Variants in NEGR1 observed in about 807,000 individuals in gnomAD.
NEGR1 encodes the protein neuronal growth regulator 1.
Under a neutral mutation model 40.9 loss-of-function variants are expected in NEGR1, and 10 were observed. The ratio of observed to expected loss-of-function variants is 0.24; its 90% CI spans 0.15 to 0.42. NEGR1 has a LOEUF of 0.42. Ranked by LOEUF, NEGR1 falls within the 10% of genes least tolerant of loss-of-function variation. The pLI is 1.00. For synonymous variants in NEGR1, 185 were observed against 166.8 expected, an observed-to-expected ratio of 1.11 and a Z score of -0.84; for missense variants, 352 against 438.9, an observed-to-expected ratio of 0.80 and a Z score of 1.77.
At chr1:71,821,991 G>A (rs139758048) in intron 2 of NEGR1, among the ~76,000 whole-genome samples, 34 of 152,064 alleles carry the variant, frequency 2.2e-4, no homozygotes, top group African/African-American at 7.7e-4. Context: ...AATAAAGGGG[G>A]AAGTGATTTT....
intron 1 of NEGR1, among the ~76,000 whole-genome samples, chr1:72,062,552 T>A (rs547506325): frequency 2.6e-5 from 4 of 152,078 alleles, no homozygotes; most frequent in Non-Finnish European, 5.9e-5. Context: ...GAGCATGAAA[T>A]AAAGTGGTTA....
intron 1 of NEGR1, among the ~76,000 whole-genome samples, chr1:72,039,548 A>T (rs1180722076): frequency 2.6e-5 from 4 of 151,988 alleles, no homozygotes; most frequent in Non-Finnish European, 4.4e-5. Context: ...AGAACCCTCC[A>T]AGTGTTGGAG....
At chr1:72,098,469 TC>T in intron 1 of NEGR1, among the ~76,000 whole-genome samples, 1 of 152,240 alleles carries the variant, frequency 6.6e-6, no homozygotes, top group East Asian at 1.9e-4. Flanking sequence ...AAATGCTTGT[TC>T]CTTGGAGATA....
At chr1:71,661,391 T>C (rs945290897) in intron 4 of NEGR1, among the ~76,000 whole-genome samples, 1 of 152,200 alleles carries the variant, frequency 6.6e-6, no homozygotes, top group Non-Finnish European at 1.5e-5. Flanking sequence ...GACAAGCTAA[T>C]TGTGCTTTAA....
At chr1:71,552,470 C>G (rs1043170199) in intron 6 of NEGR1, among the ~76,000 whole-genome samples, 1 of 148,762 alleles carries the variant, frequency 6.7e-6, no homozygotes, top group African/African-American at 2.5e-5. Flanking sequence ...CCTGAGACCA[C>G]AGCCAAGACT....
At chr1:71,842,341 A>G (rs1191330266) in intron 2 of NEGR1, among the ~76,000 whole-genome samples, 4 of 152,114 alleles carry the variant, frequency 2.6e-5, no homozygotes, top group African/African-American at 9.6e-5. Context: ...TTTTAGATTC[A>G]TCATGCTTAG....
chr1:71,529,786 A>G (rs941305515), intron 6 of NEGR1, among the ~76,000 whole-genome samples: 11 of 151,192 alleles, frequency 7.3e-5, no homozygotes, highest in Non-Finnish European at 1.5e-4. Context: ...TATCTCATTC[A>G]TTGTGAAAAA....
chr1:71,404,971 AAT>A lies in NEGR1; in HGVS notation c.*2473_*2474del, dbSNP rs958018220. The A allele has an allele frequency of 6.6e-6, 1 of 152,230 alleles. No individual in the cohort carries two copies. The highest frequency in any genetic ancestry group is 1.5e-5 in the Non-Finnish European group (1 of 67,770). The allele number at this position is 152,230 out of a possible 1,614,324, so 9.4% of individuals were successfully genotyped here. A position where few individuals can be genotyped will look rare whatever the true frequency, so the allele number is the denominator to read the frequency against. On this transcript the variant is annotated 3_prime_UTR_variant, in exon 7 of 7. Transcript: ENST00000357731. ...CTTATTTGACAATATTGAACTCATA[AAT>A]ACTCATGATTTCACTCTGTCCGAGG...
chr1:71,928,902 T>A (rs1000523653), intron 2 of NEGR1, among the ~76,000 whole-genome samples: 1 of 152,052 alleles, frequency 6.6e-6, no homozygotes, highest in Non-Finnish European at 1.5e-5. Flanking sequence ...TTGTCTTCCA[T>A]TGGACCTGCA....
intron 1 of NEGR1, among the ~76,000 whole-genome samples, chr1:72,164,769 A>G (rs1292694490): frequency 6.6e-6 from 1 of 151,978 alleles, no homozygotes; most frequent in Non-Finnish European, 1.5e-5. Context: ...ATTAAGGTGG[A>G]GGAACCAAAT....
At chr1:71,876,585 CAAGG>C (rs1237911723) in intron 2 of NEGR1, among the ~76,000 whole-genome samples, 4 of 135,250 alleles carry the variant, frequency 3.0e-5, no homozygotes, top group Non-Finnish European at 4.8e-5. Flanking sequence ...GGGAGGGAGG[CAAGG>C]AAGGAAGGAA....
intron 1 of NEGR1, among the ~76,000 whole-genome samples, chr1:72,182,405 A>G (rs1395766802): frequency 6.6e-6 from 1 of 152,088 alleles, no homozygotes; most frequent in Non-Finnish European, 1.5e-5. Context: ...AGCCAGGGGA[A>G]TCATTTGAAC....
intron 1 of NEGR1, among the ~76,000 whole-genome samples, chr1:72,181,028 G>T (rs115741421): frequency 0.034 from 5,239 of 152,180 alleles, 293 homozygotes; most frequent in African/African-American, 0.12. Flanking sequence ...TGATGGTGTT[G>T]ACTGTAGTGT....
At chr1:71,750,035 G>T (rs112939865) in intron 3 of NEGR1, among the ~76,000 whole-genome samples, 2 of 145,060 alleles carry the variant, frequency 1.4e-5, no homozygotes, top group African/African-American at 5.2e-5. Context: ...CGCCCAGGCC[G>T]GACTGCGGAC....
chr1:71,411,127 G>A (rs1013220075), intron 6 of NEGR1, among the ~76,000 whole-genome samples: 3 of 152,236 alleles, frequency 2.0e-5, no homozygotes, highest in South Asian at 2.1e-4. Context: ...AAACGTCAGT[G>A]CTTCACATCC....
intron 2 of NEGR1, among the ~76,000 whole-genome samples, chr1:71,880,115 C>G (rs1660541639): frequency 6.6e-6 from 1 of 152,004 alleles, no homozygotes; most frequent in Non-Finnish European, 1.5e-5. Flanking sequence ...TTTAAACTTT[C>G]AGATTTCATA....
intron 6 of NEGR1, among the ~76,000 whole-genome samples, chr1:71,435,887 T>A (rs1235901808): frequency 6.6e-6 from 1 of 152,198 alleles, no homozygotes; most frequent in Non-Finnish European, 1.5e-5. Context: ...GAGTTCAACA[T>A]GGAAGGCATC....
intron 6 of NEGR1, among the ~76,000 whole-genome samples, chr1:71,484,476 C>T (rs572658593): frequency 1.3e-5 from 2 of 151,828 alleles, no homozygotes; most frequent in East Asian, 3.9e-4. Context: ...TATAATGCTT[C>T]TACATCTTTA....
chr1:72,276,741 TC>T (rs1656061375), intron 1 of NEGR1, among the ~76,000 whole-genome samples: 1 of 152,164 alleles, frequency 6.6e-6, no homozygotes, highest in Non-Finnish European at 1.5e-5. Context: ...AAGCAGTCAC[TC>T]AATCAAATAT....
Sources: allele counts gnomAD v4.1 joint callset (sites outside exome capture counted in the v4.1 genomes callset), GRCh38; gene constraint gnomAD v4.1.1; transcripts MANE v1.5; gene names NCBI Gene and HGNC (gene_info 2026-07-23, HGNC 2026-07-21).